WIPF3: variants seen among roughly 807,000 people sequenced by gnomAD.
The protein encoded by WIPF3 is WAS/WASL-interacting protein family member 3.
WIPF3 carries 33 observed loss-of-function variants against 38.9 expected under a neutral mutation model. That is an observed-to-expected ratio of 0.85 (90% confidence interval 0.64 to 1.14). The LOEUF is 1.14. WIPF3 is among the 50% of genes most tolerant of loss of function. The pLI is 0.00. For synonymous variants in WIPF3, 324 were observed against 269.3 expected (o/e 1.20, Z -1.99); for missense variants, 711 against 652.5 (o/e 1.09, Z -0.98).
intron 2 of WIPF3, among the ~76,000 whole-genome samples, chr7:29,847,920 G>A (rs996870116): frequency 6.6e-6 from 1 of 152,158 alleles, no homozygotes; most frequent in Non-Finnish European, 1.5e-5. Context: ...AAGAGGTCAG[G>A]TGAAGGTCAG....
chr7:29,816,389 T>G (rs1217387808), intron 1 of WIPF3, among the ~76,000 whole-genome samples: 1 of 152,168 alleles, frequency 6.6e-6, no homozygotes, highest in Non-Finnish European at 1.5e-5. Flanking sequence ...TGCAGTGGCC[T>G]GCCTGATTAT....
chr7:29,868,366 G>A (rs899280328), intron 2 of WIPF3, among the ~76,000 whole-genome samples: 4 of 152,098 alleles, frequency 2.6e-5, no homozygotes, highest in Non-Finnish European at 4.4e-5. Context: ...TCCTTGATTC[G>A]GTAGAGATTA....
intron 2 of WIPF3, among the ~76,000 whole-genome samples, chr7:29,872,256 A>G (rs1369799693): frequency 6.6e-6 from 1 of 152,208 alleles, no homozygotes; most frequent in Non-Finnish European, 1.5e-5. Context: ...CACAGTAACA[A>G]GAATTCTTGA....
chr7:29,889,207 G>T, intron 6 of WIPF3, 99 bp from the exon 7 acceptor site: 4 of 934,504 alleles, frequency 4.3e-6, no homozygotes, highest in Non-Finnish European at 6.8e-6. Context: ...AACAGAAAAC[G>T]GTGGATGCAG....
chr7:29,843,974 C>G (rs903344902), intron 2 of WIPF3, among the ~76,000 whole-genome samples: 1 of 152,120 alleles, frequency 6.6e-6, no homozygotes, highest in South Asian at 2.1e-4. Context: ...AGCCAACACG[C>G]CACATCTCTG....
At chr7:29,849,718 T>G (rs908582421) in intron 2 of WIPF3, among the ~76,000 whole-genome samples, 1 of 152,190 alleles carries the variant, frequency 6.6e-6, no homozygotes, top group Non-Finnish European at 1.5e-5. Context: ...AAAAAATTTG[T>G]GTGCATACAC....
intron 3 of WIPF3, among the ~76,000 whole-genome samples, chr7:29,877,791 C>T (rs1240446759): frequency 6.6e-6 from 1 of 152,078 alleles, no homozygotes; most frequent in Non-Finnish European, 1.5e-5. Context: ...ACATATGAAA[C>T]AAATACATTT....
rs76388022 is a variant in WIPF3 at position 29,857,213 on chromosome 7, A to G, written c.91-18617A>G. Among the ~76,000 whole-genome samples the G allele has an allele frequency of 1.3e-3, 198 of 151,934 alleles. 1 individual carries two copies. In the East Asian group the frequency reaches 0.017, roughly 13 times the overall value. On this transcript the variant is annotated intron_variant, in intron 2 of 8. Coordinates refer to ENST00000242140, the MANE Select transcript of WIPF3 (RefSeq NM_001080529.3). ...ACCTTACACCCTAACCACCTCCCTC[A>G]CCTCACCTTGTCCCCAACCTGTGAC...
intron 1 of WIPF3, among the ~76,000 whole-genome samples, chr7:29,815,142 G>A (rs1784436887): frequency 1.3e-5 from 2 of 152,074 alleles, no homozygotes; most frequent in Non-Finnish European, 2.9e-5. Flanking sequence ...AAATAAAGTA[G>A]CGTCAGAAAT....
At position 29,879,024 on chromosome 7, in the gene WIPF3, A is replaced by G. The variant is rs747977628; in HGVS notation, c.239A>G (p.Asn80Ser). The change falls in exon 4 of 9, where the codon AAC (asparagine) becomes AGC (serine). Residue 80 changes from asparagine to serine, a missense_variant. Asn to Ser is a conservative substitution (Grantham distance 46). Coordinates refer to ENST00000242140, the MANE Select transcript of WIPF3 (RefSeq NM_001080529.3). ...APQIESSKGT[N>S]KEGGGSANTR... is the part of the protein sequence containing the mutation. The stretch of plus-strand genomic sequence containing the variant: ...CTCTCTAAAGGTTCTAAAGGAACCA[A>G]CAAAGAAGGAGGAGGTTCTGCAAAC... 10 of 1,599,900 alleles carry G rather than the reference A, an allele frequency of 6.3e-6. No individual in the cohort carries two copies. The highest frequency in any genetic ancestry group is 2.3e-5 in the South Asian group (2 of 88,512).
chr7:29,876,911 T>G (rs1785609569), intron 3 of WIPF3, among the ~76,000 whole-genome samples: 2 of 152,040 alleles, frequency 1.3e-5, no homozygotes, highest in Admixed American at 1.3e-4. Context: ...TGGTCATCTG[T>G]GAAATGGGGA....
chr7:29,819,062 CTTTT>C (rs1413560449), intron 1 of WIPF3, among the ~76,000 whole-genome samples: 1 of 151,994 alleles, frequency 6.6e-6, no homozygotes, highest in African/African-American at 2.4e-5. Context: ...CAGTAGTTTT[CTTTT>C]TTTATTTGTT....
At chr7:29,871,012 T>C (rs1191777721) in intron 2 of WIPF3, among the ~76,000 whole-genome samples, 2 of 152,142 alleles carry the variant, frequency 1.3e-5, no homozygotes, top group Non-Finnish European at 2.9e-5. Context: ...GGTGCATTCT[T>C]TTTGAGCATG....
chr7:29,884,615 A>C (rs974467156), intron 5 of WIPF3, 22 bp downstream of exon 5: 1 of 1,591,708 alleles, frequency 6.3e-7, no homozygotes, highest in Admixed American at 1.8e-5. Context: ...TGCCTGGCCC[A>C]GTGCCCCTGG....
intron 1 of WIPF3, among the ~76,000 whole-genome samples, chr7:29,807,328 CTG>C (rs985553137): frequency 6.6e-6 from 1 of 152,256 alleles, no homozygotes; most frequent in Non-Finnish European, 1.5e-5. Flanking sequence ...AGTAGTCAGA[CTG>C]TGCTCCAGCA....
intron 1 of WIPF3, among the ~76,000 whole-genome samples, chr7:29,807,393 G>A (rs1307258723): frequency 6.6e-6 from 1 of 152,192 alleles, no homozygotes; most frequent in East Asian, 1.9e-4. Context: ...TTAGGTGGTG[G>A]GTAGGTAGGT....
At chr7:29,840,268 C>G (rs1280294957) in intron 2 of WIPF3, among the ~76,000 whole-genome samples, 1 of 152,224 alleles carries the variant, frequency 6.6e-6, no homozygotes, top group Non-Finnish European at 1.5e-5. Flanking sequence ...CCCTGCCTGT[C>G]TCTAAGACCT....
intron 8 of WIPF3, chr7:29,905,103 G>T (rs1406093792): frequency 6.6e-6 from 1 of 152,204 alleles, no homozygotes; most frequent in Non-Finnish European, 1.5e-5. Context: ...CAACTGTGTG[G>T]AACATCAAGG....
intron 8 of WIPF3, among the ~76,000 whole-genome samples, chr7:29,908,905 T>A: frequency 9.0e-6 from 1 of 111,144 alleles, no homozygotes; most frequent in African/African-American, 3.7e-5. Flanking sequence ...TGAAACTCCA[T>A]CTCAAAAAAA....
Sources: gnomAD v4.1 joint callset for allele counts (sites outside exome capture counted in the v4.1 genomes callset) on GRCh38, gnomAD v4.1.1 for gene constraint, MANE v1.5 for transcripts, NCBI Gene and HGNC (gene_info 2026-07-23, HGNC 2026-07-21) for gene names.